Variants in NELFE observed in about 807,000 individuals in gnomAD.
NELFE encodes the protein negative elongation factor complex member E.
A neutral mutation model predicts 55.5 loss-of-function variants in NELFE; 26 were observed. The ratio of observed to expected loss-of-function variants is 0.47; its 90% CI spans 0.34 to 0.65. The LOEUF (loss-of-function observed/expected upper bound fraction) is 0.65. Among genes scored for constraint, NELFE ranks in the 30% least tolerant of loss-of-function variants. NELFE has a pLI of 0.01. For missense variants in NELFE, 403 were observed against 506.9 expected (o/e 0.80, Z 1.97); for synonymous variants, 162 against 178.0 (o/e 0.91, Z 0.72).
intron 10 of NELFE, among the ~76,000 whole-genome samples, chr6:31,953,361 C>G (rs1771880678): frequency 6.6e-6 from 1 of 151,678 alleles, no homozygotes; most frequent in African/African-American, 2.4e-5. Context: ...ATGTGGATGA[C>G]TTAATCTATG....
chr6:31,957,463 A>C (rs973397675), intron 2 of NELFE: 2 of 461,194 alleles, frequency 4.3e-6, no homozygotes, highest in African/African-American at 4.0e-5. Flanking sequence ...TTGAGTTAGC[A>C]ATACAATTAT....
chr6:31,955,443 T>C (rs1371364230), intron 4 of NELFE, 150 bp from the exon 5 acceptor site: 2 of 561,870 alleles, frequency 3.6e-6, no homozygotes, highest in Non-Finnish European at 6.0e-6. Flanking sequence ...GACGTGGTTT[T>C]ACTTATTTTT....
At position 31,958,673 on chromosome 6, in the gene NELFE, T is replaced by C. The variant is rs1239624584; in HGVS notation, c.-9+219A>G. 4.3e-6 allele frequency: 3 copies of C among 703,228 alleles called. No homozygotes were observed. The African/African-American group carries it at 5.2e-5, about 12-fold the overall frequency. 43.6% of individuals were successfully genotyped at this position (703,228 alleles called of 1,614,324 possible). ...CCAGGGATCACAGACACCAGCACCT[T>C]TAGGTACCATGTGGTTCAAGGAGGG... On this transcript the variant is annotated intron_variant, in intron 1 of 10. Coordinates refer to ENST00000375429, the MANE Select transcript of NELFE (RefSeq NM_002904.6).
chr6:31,954,592 CTCCCGA>C lies in NELFE; in HGVS notation c.699_704del (p.Asp233_Arg234del), dbSNP rs770963163. The C allele has an allele frequency of 1.9e-6, 3 of 1,608,884 alleles. No homozygotes were observed. Among genetic ancestry groups the C allele is most frequent in the African/African-American group, 2.7e-5 (2 of 74,590 alleles). ...CCTCTCGGTCTCGGTCTCGATCCCG[CTCCCGA>C]TCCCTGTCCCGTTCCCGGTCTCGAT... On this transcript the variant is annotated inframe_deletion, in exon 7 of 11. Transcript: ENST00000375429. This position sits in a 1 kb window ranked among gnomAD's most constrained non-coding sequence, Gnocchi z 5.5.
rs746392587 is a variant in NELFE at position 31,954,594 on chromosome 6, C to CATGG, written c.702_703insCCAT (p.Glu235ProfsTer2). 1.9e-6 allele frequency: 3 copies of CATGG among 1,609,552 alleles called. No individual in the cohort carries two copies. The South Asian group carries it at 3.3e-5, about 18-fold the overall frequency. On this transcript the variant is annotated frameshift_variant, in exon 7 of 11. Coordinates refer to ENST00000375429, the MANE Select transcript of NELFE (RefSeq NM_002904.6). LOFTEE classifies it high-confidence loss of function. This position sits in a 1 kb window ranked among gnomAD's most constrained non-coding sequence, Gnocchi z 5.5. ...TCTCGGTCTCGGTCTCGATCCCGCT[C>CATGG]CCGATCCCTGTCCCGTTCCCGGTCT...
rs1771988217 is a variant in NELFE at position 31,954,910 on chromosome 6, G to A, written c.405-18C>T. On this transcript the variant is annotated intron_variant, in intron 6 of 10. Transcript: ENST00000375429. This position sits in a 1 kb window ranked among gnomAD's most constrained non-coding sequence, Gnocchi z 5.5. ...ACACAAAGCTGGGGAGATGCAGACT[G>A]AAGATCAAAGGGGGGTTTTACCTTC... The A allele has an allele frequency of 6.4e-7, 1 of 1,572,392 alleles. No individual in the cohort carries two copies. The highest frequency in any genetic ancestry group is 2.2e-5 in the East Asian group (1 of 44,550).
chr6:31,956,529 G>T (rs1772097706), intron 4 of NELFE, among the ~76,000 whole-genome samples, 164 bp downstream of exon 4: 1 of 152,212 alleles, frequency 6.6e-6, no homozygotes, highest in Admixed American at 6.5e-5. Context: ...TTTGTAAAAT[G>T]GAGAATTCAG....
rs750150447 is a variant in NELFE at position 31,954,107 on chromosome 6, C to T, written c.915G>A (p.Met305Ile). ...CAGCAACGGCCTGATCTGCTGACTC[C>T]ATCTTTTCATAGGTGACGAAGGCAC... is the stretch of plus-strand genomic sequence containing the variant. ...RNCAFVTYEK[M>I]ESADQAVAEL... The change falls in exon 9 of 11, where the codon ATG (methionine) becomes ATA (isoleucine). Residue 305 changes from methionine to isoleucine, a missense_variant. By Grantham distance (10) the Met-to-Ile change is conservative. Transcript: ENST00000375429. This position sits in a 1 kb window ranked among gnomAD's most constrained non-coding sequence, Gnocchi z 5.5. The T allele has an allele frequency of 4.3e-6, 7 of 1,613,874 alleles. No individual in the cohort carries two copies. The South Asian group carries it at 7.7e-5, about 18-fold the overall frequency.
rs1771834029 is a variant in NELFE, at chr6:31,952,471, C to G, written c.1046-73G>C. On this transcript the variant is annotated intron_variant, in intron 10 of 10. Transcript: ENST00000375429. Reference sequence around the variant, plus strand: ...ACAGACCCTGAGGCTGACTCCTGACCACCTCACTCCTGGCCACTGGCCCCT... The same window carrying G: ...ACAGACCCTGAGGCTGACTCCTGACGACCTCACTCCTGGCCACTGGCCCCT... 6.3e-6 allele frequency: 7 copies of G among 1,105,122 alleles called. No individual in the cohort carries two copies. The South Asian group carries it at 8.5e-5, about 13-fold the overall frequency. The allele number at this position is 1,105,122 out of a possible 1,614,324, so 68.5% of individuals were successfully genotyped here.
intron 9 of NELFE, 46 bp from the exon 10 acceptor site, chr6:31,953,877 A>G: frequency 1.3e-6 from 2 of 1,521,994 alleles, no homozygotes; most frequent in Non-Finnish European, 1.8e-6. Flanking sequence ...AAAACATTAC[A>G]GATAAACCAA....
At position 31,954,615 on chromosome 6, in the gene NELFE, G is replaced by A. The variant is rs763560291; in HGVS notation, c.682C>T (p.Arg228Trp). The change falls in exon 7 of 11, where the codon CGG becomes TGG. Residue 228 changes from arginine (R) to tryptophan (W), a missense_variant. Arg to Trp is a moderately radical substitution (Grantham distance 101). Transcript: ENST00000375429. This position sits in a 1 kb window ranked among gnomAD's most constrained non-coding sequence, Gnocchi z 5.5. ...CGCTCCCGATCCCTGTCCCGTTCCC[G>A]GTCTCGATCTCGATCCCGATCCCGA... ...RDRDRDRDRD[R>W]ERDRDRERDR... 14 of 1,609,442 alleles carry A rather than the reference G, an allele frequency of 8.7e-6. No individual in the cohort carries two copies. Among genetic ancestry groups the A allele is most frequent in the Admixed American group, 8.4e-5 (5 of 59,562 alleles).
Position 31,958,496 on chromosome 6 carries a change from A to G in NELFE, c.-8-42T>C, listed in dbSNP as rs750833654. The G allele has an allele frequency of 1.9e-6, 3 of 1,553,304 alleles. No individual in the cohort carries two copies. In the East Asian group the frequency reaches 6.7e-5, roughly 35 times the overall value. On this transcript the variant is annotated intron_variant, in intron 1 of 10. Transcript: ENST00000375429. Reference sequence around the variant, plus strand: ...GCCCAAGACATCTTTCTCCACTGTTACCACCCGGGGTTCACACGCCGTCCA... The same window carrying G: ...GCCCAAGACATCTTTCTCCACTGTTGCCACCCGGGGTTCACACGCCGTCCA...
At position 31,952,408 on chromosome 6, in the gene NELFE, G is replaced by A; in HGVS notation, c.1046-10C>T. 6.2e-7 allele frequency: 1 copy of A among 1,600,536 alleles called. No homozygotes were observed. The highest frequency in any genetic ancestry group is 1.1e-5 in the South Asian group (1 of 90,766). ...GGGCTGTTCTGGACAGCTAGGGAGG[G>A]AGGAGAGGAACAGTTAAGGTCTAAA... is the stretch of plus-strand genomic sequence containing the variant. On this transcript the variant is annotated splice_polypyrimidine_tract_variant and intron_variant, in intron 10 of 10. Transcript: ENST00000375429.
chr6:31,955,938 T>A (rs541340413), intron 4 of NELFE, among the ~76,000 whole-genome samples: 28 of 147,718 alleles, frequency 1.9e-4, no homozygotes, highest in Non-Finnish European at 3.7e-4. Flanking sequence ...TTCTGCTAAT[T>A]TTTTTTTTTT....
Position 31,954,052 on chromosome 6 carries a change from G to C in NELFE, c.942+28C>G. 1 of 1,610,460 alleles carries C rather than the reference G, an allele frequency of 6.2e-7. No individual in the cohort carries two copies. The highest frequency in any genetic ancestry group is 8.5e-7 in the Non-Finnish European group (1 of 1,177,584). On this transcript the variant is annotated intron_variant, in intron 9 of 10. Coordinates refer to ENST00000375429, the MANE Select transcript of NELFE (RefSeq NM_002904.6). This position sits in a 1 kb window ranked among gnomAD's most constrained non-coding sequence, Gnocchi z 5.5. ...AACACATGAGAACAGCAGAAGCGAT[G>C]GGAAGAACAGATTTGGGAAGTTCCA...
chr6:31,957,811 C>CA (rs201279570), intron 2 of NELFE, among the ~76,000 whole-genome samples: 6 of 149,254 alleles, frequency 4.0e-5, no homozygotes, highest in Admixed American at 2.7e-4. Flanking sequence ...GAAGTCTGTT[C>CA]AAAAAAAAAG....
intron 10 of NELFE, 67 bp from the exon 11 acceptor site, chr6:31,952,465 C>T: frequency 1.7e-6 from 2 of 1,177,556 alleles, no homozygotes; most frequent in Non-Finnish European, 2.5e-6. Context: ...GAGGCTGACT[C>T]CTGACCACCT....
Position 31,954,386 on chromosome 6 carries a change from A to G in NELFE, c.799T>C (p.Tyr267His). ...APRKGNTLYV[Y>H]GEDMTPTLLR... ...AGGGTGGGTGTCATGTCTTCTCCAT[A>G]TACATAGAGAGTATTCCCTTTCCTA... Residue 267 changes from tyrosine (Y) to histidine (H), a missense_variant, in exon 8 of 11, where the codon TAT becomes CAT. By Grantham distance (83) the Tyr-to-His change is moderately conservative (BLOSUM62 2). Around this residue, in one of 3 missense-constraint regions of NELFE, gnomAD observed 229 missense variants for 228.3 expected, o/e 1.00. Transcript: ENST00000375429. This position sits in a 1 kb window ranked among gnomAD's most constrained non-coding sequence, Gnocchi z 5.5. 6.2e-7 allele frequency: 1 copy of G among 1,612,652 alleles called. No individual in the cohort carries two copies. Among genetic ancestry groups the G allele is most frequent in the Admixed American group, 1.7e-5 (1 of 59,610 alleles).
At chr6:31,953,308 C>G (rs1319581206) in intron 10 of NELFE, among the ~76,000 whole-genome samples, 3 of 147,822 alleles carry the variant, frequency 2.0e-5, no homozygotes, top group African/African-American at 7.4e-5. Context: ...TCTCTGAAAT[C>G]AGAGTCTCCC....
Sources: allele counts gnomAD v4.1 joint callset (sites outside exome capture counted in the v4.1 genomes callset), GRCh38; gene constraint gnomAD v4.1.1; regional missense constraint gnomAD v4.1.1; non-coding constraint Gnocchi (gnomAD v3.1); transcripts MANE v1.5; gene names NCBI Gene and HGNC (gene_info 2026-07-23, HGNC 2026-07-21).